MYO18B: variants seen among roughly 807,000 people sequenced by gnomAD.
The protein encoded by MYO18B is unconventional myosin-XVIIIb.
In MYO18B, 204 loss-of-function variants were observed where a neutral mutation model predicts 273.0. That is an observed-to-expected ratio of 0.75 (90% CI 0.67 to 0.84). The LOEUF is 0.84. Ranked by LOEUF, MYO18B falls within the 40% of genes least tolerant of loss-of-function variation. The probability of loss-of-function intolerance (pLI) is 0.00; values close to 1 mark genes in which losing one functional copy is unlikely to be tolerated. For missense variants in MYO18B, 3,212 were observed against 3,287.6 expected, an observed-to-expected ratio of 0.98 and a Z score of 0.56; for synonymous variants, 1,330 against 1,305.7, an observed-to-expected ratio of 1.02 and a Z score of -0.40.
At chr22:25,778,987 C>CT (rs1460208271) in intron 8 of MYO18B, among the ~76,000 whole-genome samples, 1 of 152,108 alleles carries the variant, frequency 6.6e-6, no homozygotes, top group Non-Finnish European at 1.5e-5. Flanking sequence ...GTGTTCTCAG[C>CT]TTTTTTTCAT....
chr22:25,885,991 A>C (rs2146251147), intron 25 of MYO18B, among the ~76,000 whole-genome samples: 1 of 152,302 alleles, frequency 6.6e-6, no homozygotes, highest in Middle Eastern at 3.4e-3. Flanking sequence ...TGCACTTGTT[A>C]GTTCAGTCAA....
At chr22:26,022,655 G>T (rs911426170) in intron 42 of MYO18B, among the ~76,000 whole-genome samples, 1 of 152,150 alleles carries the variant, frequency 6.6e-6, no homozygotes, top group Non-Finnish European at 1.5e-5. Context: ...TCTACACTAC[G>T]TGGCTTGTAT....
intron 31 of MYO18B, among the ~76,000 whole-genome samples, chr22:25,907,811 G>A (rs1042278776): frequency 1.3e-5 from 2 of 152,104 alleles, no homozygotes; most frequent in African/African-American, 4.8e-5. Context: ...GAGGCGGGTG[G>A]ATCACCTGAG....
chr22:25,760,892 T>C, intron 1 of MYO18B, 92 bp from the exon 2 acceptor site: 1 of 621,508 alleles, frequency 1.6e-6, no homozygotes, highest in South Asian at 1.9e-5. Flanking sequence ...CATGTGGTCT[T>C]GGTTTATGGC....
intron 33 of MYO18B, among the ~76,000 whole-genome samples, chr22:25,917,545 G>GGTGTGTGTGTGTGTGT (rs3070569): frequency 8.4e-5 from 12 of 142,246 alleles, no homozygotes; most frequent in African/African-American, 2.9e-4. Context: ...GCTTTGTAGG[G>GGTGTGTGTGTGTGTGT]GTGTGTGTGT....
At chr22:25,894,688 GA>G (rs2091754812) in intron 27 of MYO18B, 1 of 153,506 alleles carries the variant, frequency 6.5e-6, no homozygotes. Flanking sequence ...TGGCCAGTAG[GA>G]TGACTCTTTT....
chr22:25,769,503 G>A (rs530825704), intron 4 of MYO18B, 75 bp downstream of exon 4: 2 of 1,343,798 alleles, frequency 1.5e-6, no homozygotes, highest in South Asian at 3.1e-5. Context: ...GGAAAGATCT[G>A]CCCCAGGGAT....
intron 42 of MYO18B, among the ~76,000 whole-genome samples, chr22:26,017,104 A>G (rs1251265195): frequency 1.1e-5 from 1 of 89,420 alleles, no homozygotes. Context: ...TCCCTCACTC[A>G]CTCACTCCCT....
intron 11 of MYO18B, among the ~76,000 whole-genome samples, chr22:25,792,228 T>A (rs1218952925): frequency 6.6e-6 from 1 of 152,172 alleles, no homozygotes; most frequent in Non-Finnish European, 1.5e-5. Flanking sequence ...GAGTCTCCAT[T>A]GCCTCCTCTG....
Position 25,949,926 on chromosome 22 carries a change from C to T in MYO18B, c.5749-441C>T, listed in dbSNP as rs117483066. ...ATTTGATCTCTGAACAAACCCAATA[C>T]GGAAAGGCTGAGCTGAGATTGTCAG... On this transcript the variant is annotated intron_variant, in intron 36 of 43. Coordinates refer to ENST00000335473, the MANE Select transcript of MYO18B (RefSeq NM_032608.7). Among the ~76,000 whole-genome samples the T allele has an allele frequency of 7.6e-3, 1,152 of 152,230 alleles. 15 individuals are homozygous for T. Among genetic ancestry groups the T allele is most frequent in the Middle Eastern group, 0.017 (5 of 294 alleles).
At position 25,742,819 on chromosome 22, in the gene MYO18B, T is replaced by C. The variant is rs531777489; in HGVS notation, c.-110+526T>C. ...TGTATGAGTGTTGGGGGAAGGGCAA[T>C]GGAAGTTCATGGCTGAAGGTTTCAA... is the stretch of plus-strand genomic sequence containing the variant. On this transcript the variant is annotated intron_variant, in intron 1 of 43. Transcript: ENST00000335473. 3.9e-5 allele frequency among the ~76,000 whole-genome samples: 6 copies of C among 152,330 alleles called. No homozygotes were observed. In the South Asian group the frequency reaches 1.2e-3, roughly 32 times the overall value.
At position 25,882,749 on chromosome 22, in the gene MYO18B, T is replaced by A. The variant is rs558401452; in HGVS notation, c.4314+4701T>A. Among the ~76,000 whole-genome samples, 14 of 152,324 alleles carry A rather than the reference T, an allele frequency of 9.2e-5. No individual in the cohort carries two copies. In the South Asian group the frequency reaches 1.4e-3, roughly 16 times the overall value. On this transcript the variant is annotated intron_variant, in intron 25 of 43. Coordinates refer to ENST00000335473, the MANE Select transcript of MYO18B (RefSeq NM_032608.7). ...TGTCGGTCACTTTTACATTAAAAAATTTTTAAATAGTTTTAGAGCGTACAA... is the reference window on the plus strand; with the variant it reads ...TGTCGGTCACTTTTACATTAAAAAAATTTTAAATAGTTTTAGAGCGTACAA...
At chr22:25,967,675 T>A (rs1009589581) in intron 39 of MYO18B, among the ~76,000 whole-genome samples, 4 of 152,192 alleles carry the variant, frequency 2.6e-5, no homozygotes, top group African/African-American at 9.7e-5. Context: ...CTCTTTTAGT[T>A]GCAAGTGACG....
intron 21 of MYO18B, among the ~76,000 whole-genome samples, chr22:25,863,466 A>G (rs2090799044): frequency 6.6e-6 from 1 of 152,172 alleles, no homozygotes; most frequent in Non-Finnish European, 1.5e-5. Context: ...TCTTTTCTTA[A>G]TCATTTAGTA....
chr22:25,984,245 G>A (rs1243031182), intron 39 of MYO18B, among the ~76,000 whole-genome samples: 1 of 152,138 alleles, frequency 6.6e-6, no homozygotes. Context: ...TGGGATTTGC[G>A]TAGCTGCTTC....
At chr22:25,926,660 T>C (rs1462789946) in intron 34 of MYO18B, among the ~76,000 whole-genome samples, 2 of 152,190 alleles carry the variant, frequency 1.3e-5, no homozygotes, top group Middle Eastern at 3.2e-3. Flanking sequence ...TAGAACTGTG[T>C]TCACTCTGCA....
chr22:25,872,202 G>A (rs1457943064), intron 22 of MYO18B, among the ~76,000 whole-genome samples: 1 of 152,118 alleles, frequency 6.6e-6, no homozygotes, highest in Non-Finnish European at 1.5e-5. Flanking sequence ...ATTGAGAAAA[G>A]GCATAGTGCA....
At chr22:25,794,216 G>A (rs2087805021) in intron 11 of MYO18B, among the ~76,000 whole-genome samples, 1 of 151,558 alleles carries the variant, frequency 6.6e-6, no homozygotes, top group Admixed American at 6.6e-5. Flanking sequence ...ACAGGTGTGA[G>A]CCACCGCACC....
At chr22:25,840,335 C>T (rs2090046203) in intron 17 of MYO18B, among the ~76,000 whole-genome samples, 1 of 152,280 alleles carries the variant, frequency 6.6e-6, no homozygotes, top group Non-Finnish European at 1.5e-5. Flanking sequence ...GCAGCTCCTT[C>T]TGCCTGGAGG....
Sources: allele counts gnomAD v4.1 joint callset (sites outside exome capture counted in the v4.1 genomes callset), GRCh38; gene constraint gnomAD v4.1.1; transcripts MANE v1.5; gene names NCBI Gene and HGNC (gene_info 2026-07-23, HGNC 2026-07-21).